Variants in CUL1 observed in about 807,000 individuals in gnomAD.
CUL1 encodes the protein cullin-1.
CUL1 carries 24 observed loss-of-function variants against 118.0 expected under a neutral mutation model. That is an observed-to-expected ratio of 0.20 (90% CI 0.15 to 0.29). The LOEUF (loss-of-function observed/expected upper bound fraction) is 0.29, where lower values mean the gene tolerates loss of function less well. CUL1 is among the 10% of genes least tolerant of loss of function. The pLI, the probability that CUL1 is intolerant of heterozygous loss-of-function variation, is 1.00. For missense variants in CUL1, 361 were observed against 933.8 expected, an observed-to-expected ratio of 0.39 and a Z score of 7.99; for synonymous variants, 332 against 340.4, an observed-to-expected ratio of 0.98 and a Z score of 0.27.
intron 9 of CUL1, among the ~76,000 whole-genome samples, chr7:148,776,401 C>G (rs1379234938): frequency 4.9e-5 from 7 of 141,996 alleles, no homozygotes; most frequent in Non-Finnish European, 1.1e-4. Flanking sequence ...ACTGCAACCT[C>G]CACCTCCCAG....
At chr7:148,748,710 A>G (rs1005172285) in intron 2 of CUL1, among the ~76,000 whole-genome samples, 3 of 152,168 alleles carry the variant, frequency 2.0e-5, no homozygotes, top group African/African-American at 7.2e-5. Flanking sequence ...GGCACATGTG[A>G]AATAATGGCC....
At chr7:148,737,006 T>C (rs543442242) in intron 2 of CUL1, among the ~76,000 whole-genome samples, 6 of 152,360 alleles carry the variant, frequency 3.9e-5, no homozygotes, top group Admixed American at 1.3e-4. Flanking sequence ...GTATAGAGCA[T>C]GCATTTAAAA....
chr7:148,770,192 A>G (rs1409398272), intron 9 of CUL1, among the ~76,000 whole-genome samples: 1 of 152,262 alleles, frequency 6.6e-6, no homozygotes, highest in Non-Finnish European at 1.5e-5. Context: ...GTCAGCAATG[A>G]CAGCACAAAT....
chr7:148,780,552 T>G (rs987097520), intron 9 of CUL1, among the ~76,000 whole-genome samples: 4 of 152,190 alleles, frequency 2.6e-5, no homozygotes, highest in African/African-American at 9.7e-5. Context: ...AACACAGGAC[T>G]GGGGAGCAGA....
chr7:148,781,079 ATT>A lies in CUL1; in HGVS notation c.1084-2683_1084-2682del, dbSNP rs1197920664. On this transcript the variant is annotated intron_variant, in intron 9 of 21. Transcript: ENST00000325222. ...GCTAAATTCACATTTTCAAGGCCAG[ATT>A]TTTTTTTTTTTTTTTTTTTTGACAG... 1.8e-3 allele frequency among the ~76,000 whole-genome samples: 165 copies of A among 93,714 alleles called. 2 individuals carry two copies. The highest frequency in any genetic ancestry group is 8.6e-3 in the Middle Eastern group (1 of 116). 61.5% of individuals were successfully genotyped at this position (93,714 alleles called of 152,430 possible). A position where few individuals can be genotyped will look rare whatever the true frequency, so the allele number is the denominator to read the frequency against.
intron 2 of CUL1, among the ~76,000 whole-genome samples, chr7:148,731,366 T>C (rs1022711352): frequency 6.6e-6 from 1 of 152,260 alleles, no homozygotes; most frequent in Admixed American, 6.5e-5. Flanking sequence ...GTTTTTGTGA[T>C]ATTCCAGTAT....
intron 2 of CUL1, among the ~76,000 whole-genome samples, chr7:148,742,061 GAT>G (rs1420813557): frequency 6.6e-6 from 1 of 152,136 alleles, no homozygotes. Context: ...TCTTTTTGTA[GAT>G]TATTTTGGCT....
chr7:148,782,690 A>G (rs1194904622), intron 9 of CUL1, among the ~76,000 whole-genome samples: 1 of 152,236 alleles, frequency 6.6e-6, no homozygotes, highest in African/African-American at 2.4e-5. Flanking sequence ...ACCCTGTTGC[A>G]GAAAAATCAT....
At chr7:148,750,466 C>T (rs1799452046) in intron 2 of CUL1, among the ~76,000 whole-genome samples, 1 of 152,108 alleles carries the variant, frequency 6.6e-6, no homozygotes, top group Non-Finnish European at 1.5e-5. Context: ...CGCCCCACGA[C>T]AGGCCCTGGT....
At chr7:148,797,678 T>G in intron 17 of CUL1, 134 bp from the exon 18 acceptor site, 1 of 680,058 alleles carries the variant, frequency 1.5e-6, no homozygotes, top group Non-Finnish European at 2.5e-6. Context: ...TTTTTTTCCT[T>G]CCAGCATACT....
At position 148,766,281 on chromosome 7, in the gene CUL1, C is replaced by T. The variant is rs190006246; in HGVS notation, c.790-280C>T. On this transcript the variant is annotated intron_variant, in intron 7 of 21. Coordinates refer to ENST00000325222, the MANE Select transcript of CUL1 (RefSeq NM_003592.3). ...GAGTAGCTAGGAAGGACTACAGGCGCGTGCCACACCTGGCTAATTTTTTTT... is the reference window on the plus strand; with the variant it reads ...GAGTAGCTAGGAAGGACTACAGGCGTGTGCCACACCTGGCTAATTTTTTTT... 5.5e-4 allele frequency among the ~76,000 whole-genome samples: 83 copies of T among 152,154 alleles called. 1 individual carries two copies. Among genetic ancestry groups the T allele is most frequent in the Non-Finnish European group, 3.1e-4 (21 of 67,980 alleles).
At chr7:148,704,458 T>G (rs924262707) in intron 1 of CUL1, among the ~76,000 whole-genome samples, 8 of 152,338 alleles carry the variant, frequency 5.3e-5, no homozygotes, top group Admixed American at 1.3e-4. Flanking sequence ...CTATTCCATT[T>G]CTAAGAATTT....
intron 9 of CUL1, among the ~76,000 whole-genome samples, chr7:148,772,489 AGT>A (rs1428630937): frequency 6.6e-6 from 1 of 152,054 alleles, no homozygotes; most frequent in Admixed American, 6.6e-5. Flanking sequence ...CAAATTGAGG[AGT>A]ATTTTTAGCT....
At chr7:148,742,380 C>T (rs1426911417) in intron 2 of CUL1, among the ~76,000 whole-genome samples, 1 of 152,054 alleles carries the variant, frequency 6.6e-6, no homozygotes, top group Non-Finnish European at 1.5e-5. Context: ...GGGAAACTCC[C>T]ATTTATAAAA....
At chr7:148,702,216 T>C (rs990454040) in intron 1 of CUL1, among the ~76,000 whole-genome samples, 2 of 152,238 alleles carry the variant, frequency 1.3e-5, no homozygotes, top group Non-Finnish European at 2.9e-5. Flanking sequence ...TATTATAACA[T>C]TTAATGACTT....
intron 2 of CUL1, among the ~76,000 whole-genome samples, chr7:148,750,013 G>C (rs1007727943): frequency 2.2e-4 from 33 of 152,244 alleles, no homozygotes; most frequent in African/African-American, 8.0e-4. Context: ...TTAAGCCAGT[G>C]CCTAATCCAG....
At chr7:148,709,004 G>A (rs1584756623) in intron 1 of CUL1, among the ~76,000 whole-genome samples, 3 of 152,312 alleles carry the variant, frequency 2.0e-5, no homozygotes, top group African/African-American at 7.2e-5. Flanking sequence ...CAAAAATATG[G>A]ATATTGTGGA....
At chr7:148,798,105 C>A in intron 19 of CUL1, 86 bp downstream of exon 19, 1 of 749,206 alleles carries the variant, frequency 1.3e-6, no homozygotes, top group Non-Finnish European at 2.2e-6. Flanking sequence ...TTGTTACAAA[C>A]CAAGGGAGAC....
At chr7:148,796,922 G>A (rs771911002) in intron 17 of CUL1, among the ~76,000 whole-genome samples, 10 of 152,122 alleles carry the variant, frequency 6.6e-5, no homozygotes, top group African/African-American at 2.4e-4. Flanking sequence ...CTTTCACCAC[G>A]TATCCTCAGA....
Sources: gnomAD v4.1 joint callset for allele counts (sites outside exome capture counted in the v4.1 genomes callset) on GRCh38, gnomAD v4.1.1 for gene constraint, MANE v1.5 for transcripts, NCBI Gene and HGNC (gene_info 2026-07-23, HGNC 2026-07-21) for gene names.